The following SH3PXD2A variants were observed in gnomAD, a reference collection of about 807,000 sequenced individuals.
SH3PXD2A encodes the protein SH3 and PX domains 2A.
A neutral mutation model predicts 115.2 loss-of-function variants in SH3PXD2A; 32 were observed. The observed-to-expected ratio is 0.28, with a 90% CI of 0.21 to 0.37. The LOEUF (loss-of-function observed/expected upper bound fraction) is 0.37. SH3PXD2A is among the 10% of genes least tolerant of loss of function. The pLI is 1.00. For missense variants in SH3PXD2A, 1,328 were observed against 1,498.7 expected, an observed-to-expected ratio of 0.89 and a Z score of 1.88; for synonymous variants, 610 against 629.1, an observed-to-expected ratio of 0.97 and a Z score of 0.45.
At chr10:103,702,901 C>G (rs1360200608) in intron 5 of SH3PXD2A, among the ~76,000 whole-genome samples, 1 of 152,066 alleles carries the variant, frequency 6.6e-6, no homozygotes, top group Non-Finnish European at 1.5e-5. Flanking sequence ...CTACACTGGC[C>G]CCATCTGCAG....
At chr10:103,684,642 C>T (rs568669451) in intron 6 of SH3PXD2A, among the ~76,000 whole-genome samples, 6 of 152,228 alleles carry the variant, frequency 3.9e-5, no homozygotes, top group Admixed American at 6.5e-5. Flanking sequence ...CGAGCCACCA[C>T]GCCCGGCCAT....
At chr10:103,677,615 C>G (rs556313182) in intron 6 of SH3PXD2A, among the ~76,000 whole-genome samples, 1 of 152,286 alleles carries the variant, frequency 6.6e-6, no homozygotes, top group South Asian at 2.1e-4. Flanking sequence ...TCTTTGTTCA[C>G]TGACTGTTCC....
chr10:103,807,289 C>T (rs2039216103), intron 1 of SH3PXD2A, among the ~76,000 whole-genome samples: 1 of 152,166 alleles, frequency 6.6e-6, no homozygotes, highest in African/African-American at 2.4e-5. Flanking sequence ...CTGGTAAGTA[C>T]CTGTTGCCCC....
intron 2 of SH3PXD2A, among the ~76,000 whole-genome samples, chr10:103,783,009 G>T (rs1401123940): frequency 9.2e-5 from 14 of 152,160 alleles, no homozygotes; most frequent in Non-Finnish European, 2.1e-4. Context: ...AGCTCCTTGG[G>T]GACCTGAGGG....
rs1432473411 is a variant in SH3PXD2A at position 103,620,098 on chromosome 10, C to G, written c.802+2372G>C. 6.6e-6 allele frequency among the ~76,000 whole-genome samples: 1 copy of G among 152,162 alleles called. No homozygotes were observed. The highest frequency in any genetic ancestry group is 1.5e-5 in the Non-Finnish European group (1 of 68,028). ...CTGGGGGCGCCAGACAAGAGGAGGC[C>G]CAGACAGACGGACATGGCCTCAGCG... On this transcript the variant is annotated intron_variant, in intron 10 of 14. Coordinates refer to ENST00000369774, the MANE Select transcript of SH3PXD2A (RefSeq NM_001394015.1). This position sits in a 1 kb window ranked among gnomAD's most constrained non-coding sequence, Gnocchi z 5.3.
In SH3PXD2A at chr10:103,613,200, G is replaced by T. The variant is rs776423193; in HGVS notation, c.921-10C>A. The T allele has an allele frequency of 5.3e-5, 83 of 1,575,852 alleles. No individual in the cohort carries two copies. Among genetic ancestry groups the T allele is most frequent in the Non-Finnish European group, 7.0e-5 (81 of 1,162,658 alleles). ...CTCTTTGCCCAGGTATCTGTGGGGA[G>T]GAGCAGGATGTGCTATCATTAGAGC... On this transcript the variant is annotated splice_polypyrimidine_tract_variant and intron_variant, in intron 11 of 14. Transcript: ENST00000369774.
chr10:103,668,675 C>G, intron 6 of SH3PXD2A, 23 bp from the exon 7 acceptor site: 2 of 1,539,130 alleles, frequency 1.3e-6, no homozygotes, highest in Non-Finnish European at 1.7e-6. Context: ...CGAGAGCAAG[C>G]GGCAGCAGGA....
At chr10:103,755,078 TGGCCA>T (rs897295221) in intron 3 of SH3PXD2A, 2 of 152,166 alleles carry the variant, frequency 1.3e-5, no homozygotes, top group African/African-American at 4.8e-5. Context: ...TCCCAGATGA[TGGCCA>T]CACTGCTGAT....
intron 6 of SH3PXD2A, among the ~76,000 whole-genome samples, chr10:103,672,408 A>G (rs939001490): frequency 2.6e-5 from 4 of 152,252 alleles, no homozygotes; most frequent in Admixed American, 1.3e-4. Flanking sequence ...TTCCCAGCAG[A>G]AAACTGGTAG....
chr10:103,815,606 C>T (rs1044703808), intron 1 of SH3PXD2A, among the ~76,000 whole-genome samples: 3 of 151,784 alleles, frequency 2.0e-5, no homozygotes, highest in African/African-American at 7.3e-5. Context: ...AAGAAAAATA[C>T]TGGGCCAGGT....
intron 3 of SH3PXD2A, among the ~76,000 whole-genome samples, chr10:103,760,606 T>TATATAAA (rs1251599143): frequency 6.6e-6 from 1 of 150,830 alleles, no homozygotes; most frequent in East Asian, 1.9e-4. Flanking sequence ...TATATACATG[T>TATATAAA]ATATAAAATA....
In SH3PXD2A at chr10:103,617,307, C is replaced by T. The variant is rs536959280; in HGVS notation, c.810G>A (p.Lys270=). Residue 270 remains lysine (K), a synonymous_variant, in exon 11 of 15, where the codon AAG becomes AAA. Coordinates refer to ENST00000369774, the MANE Select transcript of SH3PXD2A (RefSeq NM_001394015.1). ...TGGTGTAAGGCTGCACGGTGACATA[C>T]TTCTCCTCTGGGGGTGGGAGCAAGC... ...MVNRQHSREE[K]YVTVQPYTSQ... The T allele has an allele frequency of 1.9e-6, 3 of 1,612,902 alleles. No homozygotes were observed. In the Admixed American group the frequency reaches 5.0e-5, roughly 27 times the overall value.
At chr10:103,788,383 T>C (rs1323778007) in intron 2 of SH3PXD2A, among the ~76,000 whole-genome samples, 1 of 152,200 alleles carries the variant, frequency 6.6e-6, no homozygotes, top group Non-Finnish European at 1.5e-5. Context: ...CTCTGGGAGA[T>C]GCTGCCCTAC....
At chr10:103,738,112 C>A (rs1564876928) in intron 3 of SH3PXD2A, among the ~76,000 whole-genome samples, 1 of 152,188 alleles carries the variant, frequency 6.6e-6, no homozygotes, top group Admixed American at 6.5e-5. Flanking sequence ...TTCTCTGAAG[C>A]CAGAGGGCCG....
chr10:103,705,375 A>C (rs1226520154), intron 5 of SH3PXD2A, among the ~76,000 whole-genome samples: 1 of 152,180 alleles, frequency 6.6e-6, no homozygotes, highest in African/African-American at 2.4e-5. Context: ...TCTTACCCAA[A>C]GGTGGGAGTG....
intron 13 of SH3PXD2A, among the ~76,000 whole-genome samples, chr10:103,608,150 T>TAAAAAAAAAAAAAAAAAGTTAAA (rs768102863): frequency 1.2e-4 from 4 of 32,662 alleles, no homozygotes; most frequent in South Asian, 1.8e-3. Flanking sequence ...ATGATCAATT[T>TAAAAAAAAAAAAAAAAAGTTAAA]AAAAAAAAAA....
chr10:103,808,793 G>A (rs374510161), intron 1 of SH3PXD2A, among the ~76,000 whole-genome samples: 1 of 152,108 alleles, frequency 6.6e-6, no homozygotes, highest in Non-Finnish European at 1.5e-5. Flanking sequence ...TTCCTCCCAG[G>A]TCTCCCTATC....
intron 2 of SH3PXD2A, among the ~76,000 whole-genome samples, chr10:103,769,024 A>C (rs1355960919): frequency 6.6e-6 from 1 of 152,054 alleles, no homozygotes; most frequent in Non-Finnish European, 1.5e-5. Flanking sequence ...ATCAGCCCTC[A>C]TGACCCAAAC....
intron 5 of SH3PXD2A, among the ~76,000 whole-genome samples, chr10:103,720,500 A>G (rs991744325): frequency 6.6e-6 from 1 of 152,182 alleles, no homozygotes; most frequent in Admixed American, 6.5e-5. Flanking sequence ...TCTCTGGAAG[A>G]TGGAAAGGGA....
Sources: gnomAD v4.1 joint callset for allele counts (sites outside exome capture counted in the v4.1 genomes callset) on GRCh38, gnomAD v4.1.1 for gene constraint, Gnocchi (gnomAD v3.1) non-coding constraint, MANE v1.5 for transcripts, NCBI Gene and HGNC (gene_info 2026-07-23, HGNC 2026-07-21) for gene names.